FRMD5: variants seen among roughly 807,000 people sequenced by gnomAD.
FRMD5 encodes the protein FERM domain-containing protein 5.
In FRMD5, 20 loss-of-function variants were observed where a neutral mutation model predicts 69.0. The observed-to-expected ratio is 0.29, with a 90% CI of 0.20 to 0.42. The LOEUF (loss-of-function observed/expected upper bound fraction) is 0.42. Among genes scored for constraint, FRMD5 ranks in the 10% least tolerant of loss-of-function variants. The pLI is 1.00. For missense variants in FRMD5, 595 were observed against 708.6 expected (o/e 0.84, Z 1.82); for synonymous variants, 271 against 260.1 (o/e 1.04, Z -0.40).
intron 1 of FRMD5, among the ~76,000 whole-genome samples, chr15:43,935,698 G>T (rs1332359000): frequency 6.6e-6 from 1 of 152,130 alleles, no homozygotes; most frequent in African/African-American, 2.4e-5. Flanking sequence ...AAGAGTAGGG[G>T]TGAGTGGAGG....
intron 1 of FRMD5, among the ~76,000 whole-genome samples, chr15:44,028,364 G>A (rs1016795397): frequency 1.5e-4 from 23 of 152,204 alleles, no homozygotes; most frequent in African/African-American, 5.3e-4. Context: ...GTGCAGCAAA[G>A]CAACACTGAT....
chr15:43,874,073 T>G lies in FRMD5; in HGVS notation c.1525A>C (p.Met509Leu), dbSNP rs1314144098. 2 of 1,614,236 alleles carry G rather than the reference T, an allele frequency of 1.2e-6. No homozygotes were observed. The highest frequency in any genetic ancestry group is 1.7e-6 in the Non-Finnish European group (2 of 1,180,048). ...AGGAGCAAAACAAAGAGGAGTCCCA[T>G]GGTCACAAGGAGCAAACGGAGGACA... The part of the protein sequence containing the change: ...LSVLRLLLVT[M>L]GLLFVLLLLL... The change falls in exon 14 of 14, where the codon ATG (methionine) becomes CTG (leucine). Residue 509 changes from methionine (M) to leucine (L), a missense_variant. Around this residue, in one of 5 missense-constraint regions of FRMD5, gnomAD observed 245 missense variants for 227.1 expected, o/e 1.08. Transcript: ENST00000417257.
intron 1 of FRMD5, among the ~76,000 whole-genome samples, chr15:44,186,961 A>G (rs1595570457): frequency 6.6e-6 from 1 of 152,214 alleles, no homozygotes; most frequent in Non-Finnish European, 1.5e-5. Flanking sequence ...TCGGTCCTCA[A>G]GAGAAGCTAT....
chr15:44,196,599 A>G (rs2078301420), upstream of FRMD5, among the ~76,000 whole-genome samples: 1 of 152,168 alleles, frequency 6.6e-6, no homozygotes, highest in African/African-American at 2.4e-5. Flanking sequence ...AATGTGTAAC[A>G]AAAATGAAAC....
At chr15:44,066,390 A>G (rs143533923) in intron 1 of FRMD5, among the ~76,000 whole-genome samples, 40 of 152,164 alleles carry the variant, frequency 2.6e-4, no homozygotes, top group Non-Finnish European at 4.7e-4. Context: ...TTACGATGTG[A>G]TAGGGATTCA....
chr15:44,110,984 T>C (rs2076788111), intron 1 of FRMD5, among the ~76,000 whole-genome samples: 1 of 152,242 alleles, frequency 6.6e-6, no homozygotes, highest in African/African-American at 2.4e-5. Flanking sequence ...CATACAACTC[T>C]ATTATAATGC....
chr15:44,076,629 G>C (rs1418121566), intron 1 of FRMD5, among the ~76,000 whole-genome samples: 4 of 118,940 alleles, frequency 3.4e-5, no homozygotes, highest in East Asian at 2.9e-4. Flanking sequence ...GTTGTGGGGT[G>C]GGGGGAGGGG....
chr15:44,140,919 C>T (rs889430578), intron 1 of FRMD5, among the ~76,000 whole-genome samples: 2 of 131,806 alleles, frequency 1.5e-5, no homozygotes, highest in African/African-American at 2.8e-5. Flanking sequence ...AAAGAATTTA[C>T]AATTAAAATA....
At position 43,873,319 on chromosome 15, in the gene FRMD5, T is replaced by TTG; in HGVS notation, c.*565_*566insCA. 6.6e-7 allele frequency: 1 copy of TTG among 1,504,190 alleles called. No individual in the cohort carries two copies. The highest frequency in any genetic ancestry group is 8.8e-7 in the Non-Finnish European group (1 of 1,131,664). The allele number at this position is 1,504,190 out of a possible 1,614,324, so 93.2% of individuals were successfully genotyped here. On this transcript the variant is annotated 3_prime_UTR_variant, in exon 14 of 14. Coordinates refer to ENST00000417257, the MANE Select transcript of FRMD5 (RefSeq NM_032892.5). ...TAATCATTCTACATGGATGTTTACTTTTTTAAAAGTTCTGGCTGGCAAAAA... is the reference window on the plus strand; with the variant it reads ...TAATCATTCTACATGGATGTTTACTTTGTTTTAAAAGTTCTGGCTGGCAAAAA...
intron 1 of FRMD5, among the ~76,000 whole-genome samples, chr15:44,086,220 C>G (rs191434555): frequency 6.6e-6 from 1 of 152,204 alleles, no homozygotes; most frequent in East Asian, 1.9e-4. Context: ...TAGGAATACA[C>G]TCAAAGGAAT....
At chr15:44,064,786 C>A (rs1893242267) in intron 1 of FRMD5, among the ~76,000 whole-genome samples, 1 of 152,140 alleles carries the variant, frequency 6.6e-6, no homozygotes, top group South Asian at 2.1e-4. Flanking sequence ...CCTTTTAAGT[C>A]CCAGAATTTA....
intron 7 of FRMD5, among the ~76,000 whole-genome samples, chr15:43,900,571 C>G (rs889190976): frequency 6.6e-5 from 10 of 151,616 alleles, no homozygotes; most frequent in African/African-American, 2.2e-4. Flanking sequence ...CACCAAGGGA[C>G]CAAAGGACAC....
At chr15:43,906,935 TCC>T (rs1229238500) in intron 5 of FRMD5, among the ~76,000 whole-genome samples, 1 of 152,160 alleles carries the variant, frequency 6.6e-6, no homozygotes, top group African/African-American at 2.4e-5. Flanking sequence ...ATTTCTCAAG[TCC>T]CTGCCAGGTG....
chr15:44,049,954 G>A (rs1022780836), intron 1 of FRMD5, among the ~76,000 whole-genome samples: 4 of 152,016 alleles, frequency 2.6e-5, no homozygotes, highest in Non-Finnish European at 4.4e-5. Flanking sequence ...AACATGTCTT[G>A]TCTCCAGCAC....
chr15:44,100,038 T>G (rs1306587944), intron 1 of FRMD5, among the ~76,000 whole-genome samples: 6 of 150,310 alleles, frequency 4.0e-5, no homozygotes, highest in Admixed American at 2.7e-4. Context: ...TCTAATAGCT[T>G]CTTCTTCTCT....
intron 1 of FRMD5, among the ~76,000 whole-genome samples, chr15:44,018,849 C>T (rs988907050): frequency 6.6e-6 from 1 of 152,080 alleles, no homozygotes; most frequent in Non-Finnish European, 1.5e-5. Context: ...ATTAAAATAG[C>T]TAAGAGGGAG....
chr15:44,123,165 T>C (rs1249957538), intron 1 of FRMD5, among the ~76,000 whole-genome samples: 14 of 151,864 alleles, frequency 9.2e-5, no homozygotes, highest in Non-Finnish European at 2.9e-5. Context: ...GCCAACATGG[T>C]GAAACCCCAT....
At chr15:43,927,047 G>T (rs1004295421) in intron 1 of FRMD5, among the ~76,000 whole-genome samples, 10 of 151,802 alleles carry the variant, frequency 6.6e-5, no homozygotes, top group African/African-American at 2.4e-4. Flanking sequence ...CTTGGTTAAA[G>T]AAACCCATAA....
chr15:44,007,637 ATT>A lies in FRMD5; in HGVS notation c.103-83330_103-83329del, dbSNP rs35512441. ...TCTAATTTTTTTAATTAATTAACTA[ATT>A]TTTTTTTTTTTTTTTTTTTTTTTGA... is the stretch of plus-strand genomic sequence containing the variant. On this transcript the variant is annotated intron_variant, in intron 1 of 13. Coordinates refer to ENST00000417257, the MANE Select transcript of FRMD5 (RefSeq NM_032892.5). 6.3e-3 allele frequency among the ~76,000 whole-genome samples: 514 copies of A among 81,082 alleles called. 3 individuals carry two copies. The highest frequency in any genetic ancestry group is 0.024 in the African/African-American group (493 of 20,448). 53.2% of individuals were successfully genotyped at this position (81,082 alleles called of 152,430 possible).
Sources: allele counts gnomAD v4.1 joint callset (sites outside exome capture counted in the v4.1 genomes callset), GRCh38; gene constraint gnomAD v4.1.1; regional missense constraint gnomAD v4.1.1; transcripts MANE v1.5; gene names NCBI Gene and HGNC (gene_info 2026-07-23, HGNC 2026-07-21).